The following EYS variants were observed in gnomAD, a reference collection of about 807,000 sequenced individuals.
The protein encoded by EYS is protein eyes shut homolog.
EYS carries 250 observed loss-of-function variants against 282.1 expected under a neutral mutation model. That is an observed-to-expected ratio of 0.89 (90% CI 0.80 to 0.98). The LOEUF is 0.98. EYS is among the 50% of genes least tolerant of loss of function. The pLI is 0.00. For missense variants in EYS, 4,016 were observed against 3,709.0 expected (o/e 1.08, Z -2.15); for synonymous variants, 1,355 against 1,282.9 (o/e 1.06, Z -1.20).
chr6:65,528,706 T>C (rs1463495370), intron 2 of EYS, among the ~76,000 whole-genome samples: 3 of 152,226 alleles, frequency 2.0e-5, no homozygotes, highest in South Asian at 2.1e-4. Context: ...TCGACTATTC[T>C]GTTATAGCAG....
chr6:64,175,787 C>G (rs1208295028), intron 31 of EYS, among the ~76,000 whole-genome samples: 1 of 152,008 alleles, frequency 6.6e-6, no homozygotes, highest in Non-Finnish European at 1.5e-5. Flanking sequence ...AGAATAAGAG[C>G]CAATATCCCT....
chr6:64,264,115 A>AAG (rs1767678959), intron 30 of EYS, among the ~76,000 whole-genome samples: 1 of 152,134 alleles, frequency 6.6e-6, no homozygotes, highest in Non-Finnish European at 1.5e-5. Context: ...CAACAACAAA[A>AAG]CAATGAATGC....
intron 35 of EYS, among the ~76,000 whole-genome samples, chr6:63,907,461 CT>C (rs949844271): frequency 6.6e-6 from 1 of 152,142 alleles, no homozygotes; most frequent in African/African-American, 2.4e-5. Flanking sequence ...TCCTTTTCCT[CT>C]TTCTAACCCT....
intron 22 of EYS, among the ~76,000 whole-genome samples, chr6:64,808,752 A>G (rs533268430): frequency 6.6e-6 from 1 of 152,248 alleles, no homozygotes; most frequent in South Asian, 2.1e-4. Context: ...TAGTTACTGC[A>G]TCAGCAAGAT....
chr6:64,808,491 C>T (rs557089691), intron 22 of EYS, among the ~76,000 whole-genome samples: 1 of 152,096 alleles, frequency 6.6e-6, no homozygotes, highest in African/African-American at 2.4e-5. Flanking sequence ...TATAAATCAA[C>T]TTATAAATTT....
rs1561978925 is a variant in EYS, at chr6:65,125,249, T to C, written c.2024-67522A>G. On this transcript the variant is annotated intron_variant, in intron 12 of 42. Transcript: ENST00000503581. ...TTCAAGATAAAATAATGCTGTACAT[T>C]TTATTTACAAACATGAAGCAAAGCC... is the stretch of plus-strand genomic sequence containing the variant. Among the ~76,000 whole-genome samples the C allele has an allele frequency of 5.9e-5, 9 of 152,342 alleles. No homozygotes were observed. The South Asian group carries it at 1.9e-3, about 32-fold the overall frequency.
intron 12 of EYS, among the ~76,000 whole-genome samples, chr6:65,284,869 T>A (rs1313827426): frequency 6.6e-6 from 1 of 152,074 alleles, no homozygotes; most frequent in Admixed American, 6.6e-5. Flanking sequence ...ACTTATAACA[T>A]CTGATTAATT....
At chr6:64,344,689 T>G (rs1183673451) in intron 29 of EYS, among the ~76,000 whole-genome samples, 1 of 152,012 alleles carries the variant, frequency 6.6e-6, no homozygotes, top group Non-Finnish European at 1.5e-5. Context: ...GTGTTGGAAG[T>G]TCTGGCCAGG....
chr6:65,586,835 T>G (rs1372835785), intron 2 of EYS, among the ~76,000 whole-genome samples: 1 of 152,088 alleles, frequency 6.6e-6, no homozygotes, highest in Non-Finnish European at 1.5e-5. Context: ...AAAATTTCTA[T>G]GATAGACAGT....
chr6:63,932,470 C>T (rs1764924322), intron 35 of EYS, among the ~76,000 whole-genome samples: 1 of 152,096 alleles, frequency 6.6e-6, no homozygotes, highest in Admixed American at 6.5e-5. Flanking sequence ...TTCGTGTTAC[C>T]TGGTTCAACA....
chr6:64,134,966 C>T (rs755098199), intron 31 of EYS, among the ~76,000 whole-genome samples: 23 of 152,102 alleles, frequency 1.5e-4, no homozygotes, highest in Middle Eastern at 3.4e-3. Context: ...GTAAGAAAGG[C>T]AGAAAGTTAA....
At chr6:64,840,609 T>C (rs1292004742) in intron 19 of EYS, among the ~76,000 whole-genome samples, 2 of 152,144 alleles carry the variant, frequency 1.3e-5, no homozygotes, top group Non-Finnish European at 2.9e-5. Flanking sequence ...TGGATAACAC[T>C]GAACCCTCAT....
intron 36 of EYS, among the ~76,000 whole-genome samples, chr6:63,831,323 T>C (rs1471439447): frequency 6.6e-6 from 1 of 152,000 alleles, no homozygotes; most frequent in East Asian, 1.9e-4. Flanking sequence ...AGGAGACCCA[T>C]CTCATGTGCA....
intron 22 of EYS, among the ~76,000 whole-genome samples, chr6:64,744,243 C>T (rs533334265): frequency 7.2e-5 from 11 of 152,050 alleles, no homozygotes; most frequent in Non-Finnish European, 1.6e-4. Flanking sequence ...GAAAATGGGT[C>T]GTAAACCACT....
intron 12 of EYS, among the ~76,000 whole-genome samples, chr6:65,180,916 A>G (rs1413735329): frequency 5.3e-5 from 8 of 152,138 alleles, no homozygotes; most frequent in African/African-American, 2.4e-5. Context: ...ATCTACAACC[A>G]TGTGATCTTT....
intron 35 of EYS, among the ~76,000 whole-genome samples, chr6:63,890,601 T>G (rs1773382429): frequency 6.6e-6 from 1 of 152,178 alleles, no homozygotes; most frequent in South Asian, 2.1e-4. Context: ...AAGAAGTGTT[T>G]AGAGGGAAAT....
intron 24 of EYS, among the ~76,000 whole-genome samples, chr6:64,615,907 A>G (rs544716278): frequency 6.6e-6 from 1 of 152,172 alleles, no homozygotes; most frequent in African/African-American, 2.4e-5. Flanking sequence ...TTATAAAACT[A>G]TATTTTCCAA....
intron 5 of EYS, among the ~76,000 whole-genome samples, chr6:65,473,692 T>A (rs2127244574): frequency 6.6e-6 from 1 of 151,998 alleles, no homozygotes; most frequent in Middle Eastern, 3.4e-3. Context: ...CATGAAAAAA[T>A]TTAGCTTCAG....
At chr6:64,214,584 A>G (rs1765874825) in intron 31 of EYS, among the ~76,000 whole-genome samples, 1 of 152,108 alleles carries the variant, frequency 6.6e-6, no homozygotes, top group Non-Finnish European at 1.5e-5. Flanking sequence ...CATATCCCAG[A>G]GTATGTACAC....
Sources: allele counts gnomAD v4.1 joint callset (sites outside exome capture counted in the v4.1 genomes callset), GRCh38; gene constraint gnomAD v4.1.1; transcripts MANE v1.5; gene names NCBI Gene and HGNC (gene_info 2026-07-23, HGNC 2026-07-21).